CREB1: variants seen among roughly 807,000 people sequenced by gnomAD.
CREB1 encodes cAMP responsive element binding protein 1.
In CREB1, 2 loss-of-function variants were observed where a neutral mutation model predicts 42.0. That is an observed-to-expected ratio of 0.05 (90% confidence interval 0.02 to 0.15). CREB1 has a LOEUF of 0.15. CREB1 is among the 10% of genes least tolerant of loss of function. The probability of loss-of-function intolerance (pLI) is 1.00; values close to 1 mark genes in which losing one functional copy is unlikely to be tolerated. For synonymous variants in CREB1, 123 were observed against 139.9 expected, an observed-to-expected ratio of 0.88 and a Z score of 0.85; for missense variants, 199 against 388.9, an observed-to-expected ratio of 0.51 and a Z score of 4.11.
chr2:207,581,470 A>G (rs1221433660), intron 7 of CREB1: 1 of 202,936 alleles, frequency 4.9e-6, no homozygotes, highest in Non-Finnish European at 1.0e-5. Flanking sequence ...TTACACAAGT[A>G]AAACATGTTC....
intron 1 of CREB1, among the ~76,000 whole-genome samples, chr2:207,541,344 C>T (rs1208848116): frequency 2.0e-5 from 3 of 152,154 alleles, no homozygotes; most frequent in East Asian, 1.9e-4. Context: ...CTGCAAGCTC[C>T]GTTTGTGATA....
At chr2:207,548,577 C>A (rs1272622499) in intron 1 of CREB1, among the ~76,000 whole-genome samples, 1 of 150,660 alleles carries the variant, frequency 6.6e-6, no homozygotes, top group South Asian at 2.1e-4. Context: ...ATGGTGAAAC[C>A]CTGTCTCTAC....
chr2:207,553,941 T>C (rs908643033), intron 1 of CREB1, among the ~76,000 whole-genome samples: 1 of 152,266 alleles, frequency 6.6e-6, no homozygotes, highest in African/African-American at 2.4e-5. Context: ...AATGGGGCTC[T>C]ATTTTACAAT....
At chr2:207,561,059 G>C in intron 3 of CREB1, 1 of 1,478,752 alleles carries the variant, frequency 6.8e-7, no homozygotes. Context: ...AAAAAGACTT[G>C]AACGTTCATT....
chr2:207,595,818 C>G (rs2086045262), intron 7 of CREB1, among the ~76,000 whole-genome samples: 1 of 152,180 alleles, frequency 6.6e-6, no homozygotes, highest in South Asian at 2.1e-4. Context: ...ATTCTCCCAC[C>G]TCAGCCTCCC....
intron 3 of CREB1, among the ~76,000 whole-genome samples, chr2:207,562,085 G>A (rs2081977404): frequency 6.6e-6 from 1 of 152,150 alleles, no homozygotes; most frequent in African/African-American, 2.4e-5. Flanking sequence ...CACAATGACT[G>A]AGCAATAGTC....
At chr2:207,548,610 G>T (rs1368128363) in intron 1 of CREB1, among the ~76,000 whole-genome samples, 1 of 152,012 alleles carries the variant, frequency 6.6e-6, no homozygotes, top group Non-Finnish European at 1.5e-5. Context: ...AATTAGCCAG[G>T]TGTGGTGGTG....
intron 1 of CREB1, among the ~76,000 whole-genome samples, chr2:207,535,429 G>GT (rs950518221): frequency 2.0e-4 from 31 of 151,360 alleles, no homozygotes; most frequent in East Asian, 7.8e-4. Flanking sequence ...GTTTTTTTGG[G>GT]TTTTTTTTAA....
chr2:207,586,438 A>G (rs528909874), intron 7 of CREB1, among the ~76,000 whole-genome samples: 2 of 152,316 alleles, frequency 1.3e-5, no homozygotes, highest in East Asian at 3.9e-4. Flanking sequence ...ATACTTAAAC[A>G]TAAGACCCCA....
rs148334945 is a variant in CREB1 at position 207,587,369 on chromosome 2, G to A, written c.840-9545G>A. Among the ~76,000 whole-genome samples, 922 of 150,850 alleles carry A rather than the reference G, an allele frequency of 6.1e-3. 10 individuals carry two copies. Among genetic ancestry groups the A allele is most frequent in the African/African-American group, 0.021 (856 of 41,020 alleles). ...GATCGCACCACCGCACTACAGCCTG[G>A]GTGACGGAACGAGACTCCATCTCAA... On this transcript the variant is annotated intron_variant, in intron 7 of 7. Transcript: ENST00000353267.
chr2:207,566,434 G>C (rs1264372828), intron 3 of CREB1, among the ~76,000 whole-genome samples: 1 of 152,278 alleles, frequency 6.6e-6, no homozygotes. Context: ...CTGCTGATTA[G>C]AGAAACTTGG....
At chr2:207,532,385 T>A (rs1009708228) in intron 1 of CREB1, among the ~76,000 whole-genome samples, 1 of 151,358 alleles carries the variant, frequency 6.6e-6, no homozygotes, top group African/African-American at 2.4e-5. Flanking sequence ...AAAAAATTGT[T>A]CACTGATGGC....
At chr2:207,531,994 G>T (rs1409217378) in intron 1 of CREB1, among the ~76,000 whole-genome samples, 6 of 152,162 alleles carry the variant, frequency 3.9e-5, no homozygotes, top group Non-Finnish European at 8.8e-5. Flanking sequence ...TATTGATAAT[G>T]GTAGCTTACC....
chr2:207,570,826 T>C (rs2082324662), intron 5 of CREB1, among the ~76,000 whole-genome samples: 1 of 152,180 alleles, frequency 6.6e-6, no homozygotes. Flanking sequence ...TGAAAGATAG[T>C]AATATACTTT....
In CREB1 at chr2:207,604,460, T is replaced by C. The variant is rs2256941; in HGVS notation, c.*7402T>C. ...ACTACCTTAATCAGTGTTATCCTTC[T>C]TCTTAACTGTGCGTCCTAATTTCTC... On this transcript the variant is annotated 3_prime_UTR_variant, in exon 8 of 8. Transcript: ENST00000353267. Among the ~76,000 whole-genome samples, 128,440 of 152,160 alleles carry C rather than the reference T, an allele frequency of 0.84. 54,403 individuals carry two copies. Among genetic ancestry groups the C allele is most frequent in the East Asian group, 1 (5,175 of 5,180 alleles).
intron 7 of CREB1, among the ~76,000 whole-genome samples, chr2:207,594,934 A>T (rs974803243): frequency 6.8e-6 from 1 of 146,856 alleles, no homozygotes; most frequent in African/African-American, 2.5e-5. Context: ...AATGGTTGTG[A>T]GGTGATACCT....
intron 1 of CREB1, among the ~76,000 whole-genome samples, chr2:207,536,558 G>GA (rs1211566919): frequency 3.9e-5 from 6 of 151,938 alleles, no homozygotes; most frequent in Non-Finnish European, 7.4e-5. Context: ...TCTGTCTTAA[G>GA]AAAAAAACAA....
At chr2:207,559,353 C>A in intron 2 of CREB1, 3 of 904,248 alleles carry the variant, frequency 3.3e-6, no homozygotes, top group Non-Finnish European at 4.0e-6. Flanking sequence ...GAGTAATTCT[C>A]AGTGTGTCCA....
chr2:207,576,708 A>G, intron 6 of CREB1: 1 of 1,239,284 alleles, frequency 8.1e-7, no homozygotes, highest in Admixed American at 2.7e-5. Context: ...CATGTTTAGT[A>G]TATAAATCTT....
Sources: gnomAD v4.1 joint callset for allele counts (sites outside exome capture counted in the v4.1 genomes callset) on GRCh38, gnomAD v4.1.1 for gene constraint, MANE v1.5 for transcripts, NCBI Gene and HGNC (gene_info 2026-07-23, HGNC 2026-07-21) for gene names.